SKIC3: variants seen among roughly 807,000 people sequenced by gnomAD.
The protein encoded by SKIC3 is SKI3 subunit of superkiller complex.
At chr5:95,516,065 A>T in the SKIC3 span, among the ~76,000 whole-genome samples, 1,241 of 152,270 alleles carry the variant, frequency 8.1e-3, 17 homozygotes, top group African/African-American at 0.027. Context: ...GTACAGATTT[A>T]AAAAAATGCT....
At chr5:95,524,323 C>A in the SKIC3 span, 1 of 1,242,254 alleles carries the variant, frequency 8.0e-7, no homozygotes, top group South Asian at 1.4e-5. Context: ...ACCCATATAA[C>A]ACCATCACAA....
chr5:95,546,983 T>A, the SKIC3 span: 1 of 1,427,250 alleles, frequency 7.0e-7, no homozygotes, highest in South Asian at 1.2e-5. Context: ...GGACAGGAAA[T>A]AATTCACATA....
the SKIC3 span, chr5:95,490,951 C>A: frequency 0.16 from 260,291 of 1,613,666 alleles, 24,529 homozygotes; most frequent in African/African-American, 0.39. Flanking sequence ...ATAAATCTAT[C>A]CTCTTTGGCT....
the SKIC3 span, chr5:95,504,052 T>TG: frequency 1.3e-6 from 1 of 794,902 alleles, no homozygotes; most frequent in Non-Finnish European, 1.8e-6. Context: ...CTCACATCTG[T>TG]AATCCCAGCA....
chr5:95,490,424 T>C, the SKIC3 span, among the ~76,000 whole-genome samples: 1 of 147,650 alleles, frequency 6.8e-6, no homozygotes, highest in Admixed American at 6.8e-5. Context: ...TATTTAAATA[T>C]ATATATTCAT....
At chr5:95,473,602 G>C in the SKIC3 span, among the ~76,000 whole-genome samples, 1 of 152,156 alleles carries the variant, frequency 6.6e-6, no homozygotes, top group Non-Finnish European at 1.5e-5. Context: ...TTTAATAATA[G>C]CCATTCTGAC....
the SKIC3 span, chr5:95,540,705 A>G: frequency 6.2e-7 from 1 of 1,614,080 alleles, no homozygotes; most frequent in Non-Finnish European, 8.5e-7. Flanking sequence ...GCTGAGTTTC[A>G]TTATTCTGGT....
the SKIC3 span, chr5:95,525,305 T>C: frequency 2.5e-6 from 3 of 1,193,120 alleles, no homozygotes; most frequent in East Asian, 2.3e-5. Flanking sequence ...TCATGAAAAA[T>C]CAAATCTTCA....
At chr5:95,511,399 C>T in the SKIC3 span, among the ~76,000 whole-genome samples, 1 of 152,112 alleles carries the variant, frequency 6.6e-6, no homozygotes, top group African/African-American at 2.4e-5. Flanking sequence ...GGTGACAGAG[C>T]GAGACTCCGT....
At chr5:95,524,865 T>C in the SKIC3 span, among the ~76,000 whole-genome samples, 1 of 152,064 alleles carries the variant, frequency 6.6e-6, no homozygotes, top group African/African-American at 2.4e-5. Flanking sequence ...TTAGTGAACA[T>C]TATGATCAGC....
chr5:95,552,754 T>C, the SKIC3 span, among the ~76,000 whole-genome samples: 2 of 151,906 alleles, frequency 1.3e-5, no homozygotes, highest in African/African-American at 2.4e-5. Flanking sequence ...TCTGATAGCA[T>C]AGAATTACTG....
chr5:95,537,737 C>CAGCAATACTAGAATCCAAGGCA, the SKIC3 span, among the ~76,000 whole-genome samples: 3 of 152,118 alleles, frequency 2.0e-5, no homozygotes, highest in Non-Finnish European at 4.4e-5. Flanking sequence ...GGAATAAGAA[C>CAGCAATACTAGAATCCAAGGCA]AGCAATACTA....
chr5:95,527,957 T>C, the SKIC3 span: 9 of 1,603,136 alleles, frequency 5.6e-6, no homozygotes, highest in East Asian at 2.0e-4. Context: ...AGAATGGTTG[T>C]TGCCTGGTTG....
the SKIC3 span, among the ~76,000 whole-genome samples, chr5:95,544,366 A>G: frequency 7.2e-5 from 11 of 152,114 alleles, no homozygotes; most frequent in Non-Finnish European, 1.0e-4. Context: ...TCACTCACCA[A>G]TCAGAGCCTG....
chr5:95,524,346 G>C, the SKIC3 span: 1 of 1,416,446 alleles, frequency 7.1e-7, no homozygotes, highest in East Asian at 2.5e-5. Context: ...CCTGACATAT[G>C]AAAGATAAAG....
the SKIC3 span, among the ~76,000 whole-genome samples, chr5:95,473,554 G>A: frequency 6.6e-6 from 1 of 152,184 alleles, no homozygotes; most frequent in South Asian, 2.1e-4. Context: ...GGGATTACAG[G>A]CATAAGCCAC....
chr5:95,480,059 C>A, the SKIC3 span, among the ~76,000 whole-genome samples: 2 of 151,858 alleles, frequency 1.3e-5, no homozygotes, highest in African/African-American at 4.8e-5. Flanking sequence ...TAAAAATAAA[C>A]CTTAACTCCT....
chr5:95,540,558 A>C, the SKIC3 span: 1 of 1,138,676 alleles, frequency 8.8e-7, no homozygotes, highest in Non-Finnish European at 1.3e-6. Context: ...GCAAATGAAC[A>C]CATGAAAAGA....
At chr5:95,497,376 T>C in the SKIC3 span, 2 of 1,495,228 alleles carry the variant, frequency 1.3e-6, no homozygotes, top group Non-Finnish European at 1.9e-6. Flanking sequence ...ATATCACAAG[T>C]TATTTTATCT....
Sources: gnomAD v4.1 joint callset for allele counts (sites outside exome capture counted in the v4.1 genomes callset) on GRCh38, gnomAD v4.1.1 for gene constraint, MANE v1.5 for transcripts, NCBI Gene and HGNC (gene_info 2026-07-23, HGNC 2026-07-21) for gene names.